MCU: variants seen among roughly 807,000 people sequenced by gnomAD.
MCU encodes calcium uniporter protein, mitochondrial.
Under a neutral mutation model 45.2 loss-of-function variants are expected in MCU, and 12 were observed. The ratio of observed to expected loss-of-function variants is 0.27; its 90% CI spans 0.17 to 0.43. The LOEUF (loss-of-function observed/expected upper bound fraction) is 0.43, where lower values mean the gene tolerates loss of function less well. Ranked by LOEUF, MCU falls within the 20% of genes least tolerant of loss-of-function variation. The pLI, the probability that MCU is intolerant of heterozygous loss-of-function variation, is 1.00. For synonymous variants in MCU, 160 were observed against 165.1 expected, an observed-to-expected ratio of 0.97 and a Z score of 0.24; for missense variants, 324 against 436.7, an observed-to-expected ratio of 0.74 and a Z score of 2.30.
chr10:72,803,740 A>G (rs1950246882), intron 1 of MCU, among the ~76,000 whole-genome samples: 1 of 151,782 alleles, frequency 6.6e-6, no homozygotes, highest in South Asian at 2.1e-4. Flanking sequence ...TTGCACACAC[A>G]CAAAATACTG....
intron 1 of MCU, among the ~76,000 whole-genome samples, chr10:72,741,191 C>T (rs1254272342): frequency 6.6e-6 from 1 of 151,252 alleles, no homozygotes; most frequent in East Asian, 1.9e-4. Flanking sequence ...CCTCTGCCTC[C>T]TGGGTTCAAG....
intron 7 of MCU, 137 bp downstream of exon 7, chr10:72,884,519 G>C: frequency 1.7e-6 from 1 of 584,444 alleles, no homozygotes; most frequent in South Asian, 2.3e-5. Flanking sequence ...TTATTCCTCA[G>C]TTGATTACAG....
At chr10:72,813,077 C>G (rs923686484) in intron 1 of MCU, among the ~76,000 whole-genome samples, 10 of 152,146 alleles carry the variant, frequency 6.6e-5, no homozygotes, top group African/African-American at 9.7e-5. Context: ...GCCCAACATT[C>G]TGGATTTTTT....
chr10:72,713,808 G>A (rs1842923513), intron 1 of MCU, among the ~76,000 whole-genome samples: 1 of 152,072 alleles, frequency 6.6e-6, no homozygotes, highest in African/African-American at 2.4e-5. Flanking sequence ...ACTAGTGAAA[G>A]CCTGAAACTA....
intron 1 of MCU, chr10:72,756,946 G>A (rs1330728084): frequency 1.3e-5 from 2 of 151,494 alleles, no homozygotes; most frequent in African/African-American, 4.9e-5. Flanking sequence ...GCTGAGGCAG[G>A]AGGATTATTC....
chr10:72,811,543 G>A (rs1844544162), intron 1 of MCU, among the ~76,000 whole-genome samples: 1 of 152,218 alleles, frequency 6.6e-6, no homozygotes, highest in East Asian at 1.9e-4. Flanking sequence ...TCTTAACTAA[G>A]CAGCTACTCA....
intron 6 of MCU, among the ~76,000 whole-genome samples, chr10:72,882,038 A>G (rs1845710864): frequency 6.6e-6 from 1 of 152,232 alleles, no homozygotes; most frequent in African/African-American, 2.4e-5. Flanking sequence ...GACATTTATT[A>G]GTTCCCCAAA....
chr10:72,777,511 T>C (rs545591933), intron 1 of MCU, among the ~76,000 whole-genome samples: 1 of 152,162 alleles, frequency 6.6e-6, no homozygotes, highest in Non-Finnish European at 1.5e-5. Context: ...AGAACGAAAC[T>C]AGACCCCTAA....
rs59028044 is a variant in MCU, at chr10:72,742,022, C to CAAAAA, written c.150+49740_150+49744dup. On this transcript the variant is annotated intron_variant, in intron 1 of 7. Transcript: ENST00000373053. The stretch of plus-strand genomic sequence containing the variant: ...TGGGCGACAGAGCAAGACTCCGTCT[C>CAAAAA]AAAAAAAAAAAAAAAAAAAAAAACA... Among the ~76,000 whole-genome samples the CAAAAA allele has an allele frequency of 1.9e-3, 136 of 72,798 alleles. 1 individual carries two copies. The highest frequency in any genetic ancestry group is 4.9e-3 in the African/African-American group (88 of 17,902). 47.8% of individuals were successfully genotyped at this position (72,798 alleles called of 152,430 possible).
At chr10:72,722,509 TTTTC>T (rs773079401) in intron 1 of MCU, among the ~76,000 whole-genome samples, 5 of 149,938 alleles carry the variant, frequency 3.3e-5, no homozygotes, top group Admixed American at 1.3e-4. Context: ...ATTGGCACTT[TTTTC>T]TTTCTTTCTT....
At chr10:72,746,713 T>G (rs1292765550) in intron 1 of MCU, among the ~76,000 whole-genome samples, 1 of 152,204 alleles carries the variant, frequency 6.6e-6, no homozygotes, top group African/African-American at 2.4e-5. Flanking sequence ...AATGTAAACT[T>G]AATGCCAAAT....
chr10:72,710,420 G>A (rs771502530), intron 1 of MCU, among the ~76,000 whole-genome samples: 9 of 151,982 alleles, frequency 5.9e-5, no homozygotes, highest in Non-Finnish European at 8.8e-5. Context: ...TTATGGATCC[G>A]AAGGTCACAT....
intron 1 of MCU, among the ~76,000 whole-genome samples, chr10:72,816,594 A>G (rs755988036): frequency 6.6e-6 from 1 of 152,222 alleles, no homozygotes; most frequent in African/African-American, 2.4e-5. Flanking sequence ...CATTGACAAC[A>G]TAGCAATACT....
intron 7 of MCU, among the ~76,000 whole-genome samples, chr10:72,884,989 A>T (rs1384244471): frequency 6.6e-6 from 1 of 152,132 alleles, no homozygotes; most frequent in Admixed American, 6.6e-5. Flanking sequence ...GTGACTTTAG[A>T]GATTTTTCAG....
chr10:72,863,807 G>C (rs1845414748), intron 4 of MCU, among the ~76,000 whole-genome samples: 1 of 151,888 alleles, frequency 6.6e-6, no homozygotes, highest in African/African-American at 2.4e-5. Flanking sequence ...GTAGAGATGG[G>C]GTTTCACCAT....
Position 72,885,745 on chromosome 10 carries a change from G to A in MCU, c.979G>A (p.Ala327Thr). ...YNQLKDAIAQ[A>T]EMDLKRLRDP... Reference sequence around the variant, plus strand: ...TTCTCACCTTTTGTTTCTATTTTAGGCAGAAATGGACCTTAAGAGACTGAG... The same window carrying A: ...TTCTCACCTTTTGTTTCTATTTTAGACAGAAATGGACCTTAAGAGACTGAG... Residue 327 changes from alanine to threonine, a missense_variant and splice_region_variant, in exon 8 of 8, where the codon GCA (alanine) becomes ACA (threonine). By Grantham distance (58) the Ala-to-Thr change is moderately conservative. Transcript: ENST00000373053. 2 of 1,609,594 alleles carry A rather than the reference G, an allele frequency of 1.2e-6. No homozygotes were observed. The highest frequency in any genetic ancestry group is 8.5e-7 in the Non-Finnish European group (1 of 1,176,860).
At chr10:72,839,126 A>C (rs1342997058) in intron 2 of MCU, among the ~76,000 whole-genome samples, 1 of 151,920 alleles carries the variant, frequency 6.6e-6, no homozygotes, top group Non-Finnish European at 1.5e-5. Context: ...AGCAGCTGGG[A>C]TTACAAGCAC....
chr10:72,805,097 CTTTCTCTT>C lies in MCU; in HGVS notation c.151-29260_151-29253del, dbSNP rs1177293986. Among the ~76,000 whole-genome samples, 201 of 139,536 alleles carry C rather than the reference CTTTCTCTT, an allele frequency of 1.4e-3. 1 individual carries two copies. Among genetic ancestry groups the C allele is most frequent in the South Asian group, 9.4e-3 (42 of 4,450 alleles). The allele number at this position is 139,536 out of a possible 152,430, so 91.5% of individuals were successfully genotyped here. ...AGTTTGTTTCTTTCTTTCTTTCTTT[CTTTCTCTT>C]TCTTTCTTTCTTTCTTTCTTTCTTT... On this transcript the variant is annotated intron_variant, in intron 1 of 7. Transcript: ENST00000373053.
chr10:72,838,355 TGTAAACCCA>T (rs1844987057), intron 2 of MCU, among the ~76,000 whole-genome samples: 2 of 152,150 alleles, frequency 1.3e-5, no homozygotes, highest in African/African-American at 4.8e-5. Context: ...GGCTCATGCC[TGTAAACCCA>T]GCACTTTGGG....
Sources: gnomAD v4.1 joint callset for allele counts (sites outside exome capture counted in the v4.1 genomes callset) on GRCh38, gnomAD v4.1.1 for gene constraint, MANE v1.5 for transcripts, NCBI Gene and HGNC (gene_info 2026-07-23, HGNC 2026-07-21) for gene names.